Variants in FRK observed in about 807,000 individuals in gnomAD.
FRK encodes tyrosine-protein kinase FRK.
Under a neutral mutation model 56.4 loss-of-function variants are expected in FRK, and 51 were observed. The observed-to-expected ratio is 0.90, with a 90% CI of 0.72 to 1.14. The LOEUF (loss-of-function observed/expected upper bound fraction) is 1.14, where lower values mean the gene tolerates loss of function less well. FRK is among the 50% of genes most tolerant of loss of function. The probability of loss-of-function intolerance (pLI) is 0.00; values close to 1 mark genes in which losing one functional copy is unlikely to be tolerated. For synonymous variants in FRK, 245 were observed against 217.9 expected, an observed-to-expected ratio of 1.12 and a Z score of -1.10; for missense variants, 570 against 601.4, an observed-to-expected ratio of 0.95 and a Z score of 0.55.
chr6:116,031,335 T>C (rs1230377034), intron 1 of FRK, among the ~76,000 whole-genome samples: 5 of 152,118 alleles, frequency 3.3e-5, no homozygotes, highest in Non-Finnish European at 7.4e-5. Flanking sequence ...AATAAATTTG[T>C]TATACATATA....
chr6:115,955,038 G>T (rs576677563), intron 5 of FRK, among the ~76,000 whole-genome samples: 2 of 152,232 alleles, frequency 1.3e-5, no homozygotes, highest in Admixed American at 1.3e-4. Flanking sequence ...AGGCAGTTGG[G>T]TATGATTCTC....
At chr6:115,953,180 A>ACAT (rs34026302) in intron 5 of FRK, among the ~76,000 whole-genome samples, 2 of 104,032 alleles carry the variant, frequency 1.9e-5, no homozygotes. Flanking sequence ...TTTTAAGGCC[A>ACAT]TTTTTTTTTT....
At chr6:116,067,065 T>G in the FRK span, among the ~76,000 whole-genome samples, 1 of 152,070 alleles carries the variant, frequency 6.6e-6, no homozygotes, top group Non-Finnish European at 1.5e-5. Context: ...TAATCCAGTA[T>G]GACAGGTGTC....
At chr6:116,009,926 T>G (rs901239191) in intron 1 of FRK, among the ~76,000 whole-genome samples, 2 of 152,158 alleles carry the variant, frequency 1.3e-5, no homozygotes, top group African/African-American at 4.8e-5. Context: ...TTTATTTATA[T>G]TTTAAAAAAT....
chr6:115,952,436 G>A (rs1235566703), intron 5 of FRK, among the ~76,000 whole-genome samples: 1 of 151,996 alleles, frequency 6.6e-6, no homozygotes, highest in Non-Finnish European at 1.5e-5. Flanking sequence ...GTGCTGGAGA[G>A]GATGTGGAGA....
At chr6:116,036,393 T>G (rs1339827836) in intron 1 of FRK, among the ~76,000 whole-genome samples, 1 of 152,134 alleles carries the variant, frequency 6.6e-6, no homozygotes, top group African/African-American at 2.4e-5. Flanking sequence ...ATACCCCTAT[T>G]TCTATACATG....
chr6:115,966,060 A>T (rs1198816177), intron 4 of FRK, among the ~76,000 whole-genome samples: 13 of 13,106 alleles, frequency 9.9e-4, no homozygotes, highest in South Asian at 0.021. Context: ...TAAAAAAAAA[A>T]TTAAAAAAAA....
intron 1 of FRK, among the ~76,000 whole-genome samples, chr6:116,004,996 GA>G (rs372710176): frequency 8.9e-4 from 129 of 144,662 alleles, no homozygotes; most frequent in South Asian, 2.4e-3. Flanking sequence ...CAGGCTGGGA[GA>G]AAAAAAAAAA....
rs1212290115 is a variant in FRK, at chr6:115,939,354, A to G, written c.*3060T>C. 1.3e-5 allele frequency: 2 copies of G among 152,144 alleles called. No individual in the cohort carries two copies. Among genetic ancestry groups the G allele is most frequent in the African/African-American group, 4.8e-5 (2 of 41,446 alleles). The allele number at this position is 152,144 out of a possible 1,614,324, so 9.4% of individuals were successfully genotyped here. On this transcript the variant is annotated 3_prime_UTR_variant, in exon 8 of 8. Transcript: ENST00000606080. ...TAGCTCAAAAAAAATGACAGATTTA[A>G]GACAAAACCACAGCCAATATCATAC...
At chr6:116,039,753 G>T (rs1357478329) in intron 1 of FRK, among the ~76,000 whole-genome samples, 1 of 151,886 alleles carries the variant, frequency 6.6e-6, no homozygotes, top group East Asian at 1.9e-4. Flanking sequence ...GAGGTGGAAG[G>T]GGCAGGATTT....
chr6:115,944,251 A>C lies in FRK; in HGVS notation c.1133T>G (p.Val378Gly), dbSNP rs1304806124. The change falls in exon 6 of 8, where the codon GTT becomes GGT. Residue 378 changes from valine to glycine, a missense_variant. By Grantham distance (109) the Val-to-Gly change is moderately radical (BLOSUM62 -3). Transcript: ENST00000606080. Reference protein sequence around the residue: ...YKVADFGLARVFKVDNEDIYE... With the variant: ...YKVADFGLARGFKVDNEDIYE... Reference sequence around the variant, plus strand: ...AAACAAAACTAAATCCACCTTAAAAACTCTGGCAAGTCCAAAATCTGCTAC... The same window carrying C: ...AAACAAAACTAAATCCACCTTAAAACCTCTGGCAAGTCCAAAATCTGCTAC... 1.2e-6 allele frequency: 2 copies of C among 1,605,448 alleles called. No homozygotes were observed. The highest frequency in any genetic ancestry group is 1.7e-6 in the Non-Finnish European group (2 of 1,177,868).
At chr6:115,971,171 C>T (rs1773793007) in intron 2 of FRK, among the ~76,000 whole-genome samples, 1 of 152,126 alleles carries the variant, frequency 6.6e-6, no homozygotes, top group South Asian at 2.1e-4. Context: ...AATCGAGTCT[C>T]CAAACTGCTA....
chr6:116,067,783 A>C, the FRK span, among the ~76,000 whole-genome samples: 1 of 152,170 alleles, frequency 6.6e-6, no homozygotes, highest in Non-Finnish European at 1.5e-5. Flanking sequence ...ATTATTTTAT[A>C]CCAAAGGCTG....
intron 2 of FRK, among the ~76,000 whole-genome samples, chr6:115,971,890 A>T (rs912997147): frequency 2.6e-5 from 4 of 152,080 alleles, no homozygotes; most frequent in African/African-American, 9.7e-5. Flanking sequence ...CTGGGCTCTG[A>T]GCATCCAGAC....
At chr6:115,997,962 A>G (rs1774907361) in intron 2 of FRK, among the ~76,000 whole-genome samples, 1 of 152,204 alleles carries the variant, frequency 6.6e-6, no homozygotes, top group Admixed American at 6.5e-5. Context: ...GGCTTTCCAA[A>G]GAACCTTGCA....
At chr6:116,096,151 C>G in the FRK span, among the ~76,000 whole-genome samples, 2 of 152,348 alleles carry the variant, frequency 1.3e-5, no homozygotes, top group Non-Finnish European at 2.9e-5. Context: ...TACCGAGGAC[C>G]CGTGGACAAA....
In FRK at chr6:116,060,308, T is replaced by G. The variant is rs1162191369; in HGVS notation, c.4A>C (p.Ser2Arg). 6.2e-7 allele frequency: 1 copy of G among 1,612,204 alleles called. No homozygotes were observed. Among genetic ancestry groups the G allele is most frequent in the Non-Finnish European group, 8.5e-7 (1 of 1,178,922 alleles). ...TCCCAGAGCCTCTGACAGATGTTGCTCATTGTGCCTTGGTGGGGAGAAGAG... is the reference window on the plus strand; with the variant it reads ...TCCCAGAGCCTCTGACAGATGTTGCGCATTGTGCCTTGGTGGGGAGAAGAG... M[S>R]NICQRLWEYL... is the part of the protein sequence containing the mutation. Residue 2 changes from serine to arginine, a missense_variant, in exon 1 of 8, where the codon AGC becomes CGC. By Grantham distance (110) the Ser-to-Arg change is moderately radical (BLOSUM62 -1). Coordinates refer to ENST00000606080, the MANE Select transcript of FRK (RefSeq NM_002031.3).
chr6:115,959,899 G>A (rs1458439089), intron 4 of FRK, among the ~76,000 whole-genome samples: 1 of 151,988 alleles, frequency 6.6e-6, no homozygotes, highest in Non-Finnish European at 1.5e-5. Flanking sequence ...GAGGATCCCA[G>A]TGTTTTCAGT....
chr6:116,069,230 G>A, the FRK span, among the ~76,000 whole-genome samples: 1 of 152,162 alleles, frequency 6.6e-6, no homozygotes, highest in South Asian at 2.1e-4. Context: ...AAGTCTCTGA[G>A]GACTTTTTTC....
Sources: allele counts gnomAD v4.1 joint callset (sites outside exome capture counted in the v4.1 genomes callset), GRCh38; gene constraint gnomAD v4.1.1; transcripts MANE v1.5; gene names NCBI Gene and HGNC (gene_info 2026-07-23, HGNC 2026-07-21).